Variants in LPIN1 observed in about 807,000 individuals in gnomAD.
The protein encoded by LPIN1 is phosphatidate phosphatase LPIN1.
LPIN1 carries 71 observed loss-of-function variants against 107.5 expected under a neutral mutation model. The ratio of observed to expected loss-of-function variants is 0.66; its 90% CI spans 0.55 to 0.80. The LOEUF is 0.80. LPIN1 is among the 30% of genes least tolerant of loss of function. LPIN1 has a pLI of 0.00. For missense variants in LPIN1, 1,043 were observed against 1,160.6 expected, an observed-to-expected ratio of 0.90 and a Z score of 1.47; for synonymous variants, 445 against 452.6, an observed-to-expected ratio of 0.98 and a Z score of 0.21.
At position 11,697,953 on chromosome 2, in the gene LPIN1, C is replaced by G. The variant is rs1662673143; in HGVS notation, c.82-15803C>G. On this transcript the variant is annotated intron_variant, in intron 1 of 21. Transcript: ENST00000449576. This position sits in a 1 kb window ranked among gnomAD's most constrained non-coding sequence, Gnocchi z 4.6. ...CCCCGGCTGTGGGTGGCTTCCTGAC[C>G]CAGAAGTGCCCAGTTTTGCCTACAG... 6.6e-6 allele frequency among the ~76,000 whole-genome samples: 1 copy of G among 152,120 alleles called. No homozygotes were observed. Among genetic ancestry groups the G allele is most frequent in the Non-Finnish European group, 1.5e-5 (1 of 68,020 alleles).
In LPIN1 at chr2:11,802,956, C is replaced by T. The variant is rs4669781; in HGVS notation, c.1936C>T (p.Pro646Ser). ...TGATGAGGAGCGCGCAGCTGCCAAG[C>T]CATCAAACGCAGGCCACCTCCCTCT... ...SSDEERAAAK[P>S]SNAGHLPLLP... Residue 646 changes from proline to serine, a missense_variant, in exon 15 of 21, where the codon CCA becomes TCA. Pro to Ser is a moderately conservative substitution (Grantham distance 74, BLOSUM62 -1). Coordinates refer to ENST00000674199, the MANE Select transcript of LPIN1 (RefSeq NM_001349206.2). 0.048 allele frequency: 77,753 copies of T among 1,613,376 alleles called. 2,118 individuals carry two copies. Among genetic ancestry groups the T allele is most frequent in the South Asian group, 0.063 (5,751 of 91,038 alleles).
chr2:11,732,923 G>C (rs1299671454), intron 1 of LPIN1, among the ~76,000 whole-genome samples: 4 of 151,552 alleles, frequency 2.6e-5, no homozygotes, highest in African/African-American at 9.7e-5. Context: ...GTGTGTGTGT[G>C]TGTGTGTGTG....
chr2:11,814,196 C>T (rs1009335879), intron 17 of LPIN1, among the ~76,000 whole-genome samples: 7 of 152,088 alleles, frequency 4.6e-5, no homozygotes, highest in African/African-American at 1.4e-4. Flanking sequence ...ACTCTGGAGT[C>T]CTGGGAGCTG....
chr2:11,788,428 T>C lies in LPIN1; in HGVS notation c.1685T>C (p.Met562Thr). 6.2e-7 allele frequency: 1 copy of C among 1,614,074 alleles called. No homozygotes were observed. Among genetic ancestry groups the C allele is most frequent in the East Asian group, 2.2e-5 (1 of 44,886 alleles). The change falls in exon 12 of 21, where the codon ATG becomes ACG. Residue 562 changes from methionine to threonine, a missense_variant. Transcript: ENST00000674199. ...WTTAAPLLLA[M>T]QAFQKPLPKA... ...ACAGCAGCACCCCTCCTCCTGGCAA[T>C]GCAGGCCTTCCAGAAACCTTTGCCA... is the stretch of plus-strand genomic sequence containing the variant.
At chr2:11,696,046 C>CTTTTT (rs531347349) in intron 1 of LPIN1, among the ~76,000 whole-genome samples, 1 of 126,082 alleles carries the variant, frequency 7.9e-6, no homozygotes, top group Non-Finnish European at 1.6e-5. Flanking sequence ...GCTGACTCTC[C>CTTTTT]TTTTTTTTTT....
At chr2:11,821,197 G>A (rs902815136) in intron 20 of LPIN1, among the ~76,000 whole-genome samples, 1 of 152,146 alleles carries the variant, frequency 6.6e-6, no homozygotes, top group Non-Finnish European at 1.5e-5. Flanking sequence ...CACCTCTTCT[G>A]GTCTGGTCTG....
rs1375329895 is a variant in LPIN1, at chr2:11,786,096, C to T, written c.1550-978C>T. 1.3e-5 allele frequency among the ~76,000 whole-genome samples: 2 copies of T among 152,044 alleles called. No individual in the cohort carries two copies. The highest frequency in any genetic ancestry group is 6.6e-5 in the Admixed American group (1 of 15,260). On this transcript the variant is annotated intron_variant, in intron 10 of 20. Transcript: ENST00000674199. The surrounding 1 kb of genome is among the most constrained non-coding windows in gnomAD (Gnocchi z 4.1). ...GTGGCAGCACTGACAAGGCTGGGCA[C>T]CGTTATCTGAGTGTTATCTCATGGG...
At chr2:11,750,052 C>T (rs1667554826) in intron 1 of LPIN1, among the ~76,000 whole-genome samples, 1 of 152,218 alleles carries the variant, frequency 6.6e-6, no homozygotes, top group African/African-American at 2.4e-5. Flanking sequence ...CCAACACCCC[C>T]ATTTGCCTGC....
intron 1 of LPIN1, among the ~76,000 whole-genome samples, chr2:11,748,134 G>C (rs1402483824): frequency 1.3e-5 from 2 of 152,216 alleles, no homozygotes; most frequent in African/African-American, 4.8e-5. Context: ...TTGTAGGGGG[G>C]ACCTTGGAAG....
chr2:11,726,455 T>C (rs1054496018), intron 1 of LPIN1, among the ~76,000 whole-genome samples: 1 of 152,126 alleles, frequency 6.6e-6, no homozygotes, highest in Non-Finnish European at 1.5e-5. Context: ...CCACTGTTAC[T>C]CCCAGCCACG....
At chr2:11,725,446 G>A (rs888519655) in intron 1 of LPIN1, among the ~76,000 whole-genome samples, 1 of 152,140 alleles carries the variant, frequency 6.6e-6, no homozygotes, top group African/African-American at 2.4e-5. Flanking sequence ...ATAGGTACCG[G>A]AACTTCAATT....
intron 1 of LPIN1, among the ~76,000 whole-genome samples, chr2:11,763,978 T>TGTGTGTGTGG (rs1471716087): frequency 2.0e-5 from 3 of 146,632 alleles, no homozygotes; most frequent in African/African-American, 7.9e-5. Context: ...TGTGTGTGTG[T>TGTGTGTGTGG]GTGTGTGTGT....
At chr2:11,731,128 G>A (rs1202127377) in intron 1 of LPIN1, among the ~76,000 whole-genome samples, 1 of 152,122 alleles carries the variant, frequency 6.6e-6, no homozygotes, top group Non-Finnish European at 1.5e-5. Context: ...TTTTACATAG[G>A]TATACATGTG....
chr2:11,784,031 G>A (rs1053771959), intron 9 of LPIN1, 109 bp downstream of exon 9: 42 of 1,579,140 alleles, frequency 2.7e-5, no homozygotes, highest in African/African-American at 6.8e-5. Flanking sequence ...ACAGCTGGGC[G>A]CGGTGGCTCA....
chr2:11,687,396 G>A (rs975723983), intron 1 of LPIN1, among the ~76,000 whole-genome samples: 11 of 152,112 alleles, frequency 7.2e-5, no homozygotes, highest in African/African-American at 1.7e-4. Flanking sequence ...AAATAAATAC[G>A]ACTGTGAGAC....
At chr2:11,785,146 C>T (rs1474108594) in intron 10 of LPIN1, 70 bp downstream of exon 10, 10 of 1,210,376 alleles carry the variant, frequency 8.3e-6, no homozygotes, top group Non-Finnish European at 1.0e-5. Context: ...TAGGCTTCTC[C>T]AAGGAGTGCG....
intron 11 of LPIN1, among the ~76,000 whole-genome samples, chr2:11,787,392 C>CTTTTTTTTTTTTTTTTTTTTTTTTTT (rs1219054361): frequency 4.4e-5 from 5 of 113,688 alleles, no homozygotes; most frequent in African/African-American, 1.2e-4. Flanking sequence ...CTTTTCTTTT[C>CTTTTTTTTTTTTTTTTTTTTTTTTTT]TTTTTCTTTT....
At chr2:11,814,156 G>T (rs537664092) in intron 17 of LPIN1, among the ~76,000 whole-genome samples, 2 of 152,242 alleles carry the variant, frequency 1.3e-5, no homozygotes, top group South Asian at 4.1e-4. Flanking sequence ...TCTGGGAAGC[G>T]GTGGCTGCTG....
intron 10 of LPIN1, among the ~76,000 whole-genome samples, chr2:11,785,644 C>T (rs761890423): frequency 6.6e-6 from 1 of 152,094 alleles, no homozygotes; most frequent in East Asian, 1.9e-4. Flanking sequence ...GGCCCTGCAC[C>T]CCTCCCGCCC....
Sources: gnomAD v4.1 joint callset for allele counts (sites outside exome capture counted in the v4.1 genomes callset) on GRCh38, gnomAD v4.1.1 for gene constraint, Gnocchi (gnomAD v3.1) non-coding constraint, MANE v1.5 for transcripts, NCBI Gene and HGNC (gene_info 2026-07-23, HGNC 2026-07-21) for gene names.